The following NCKAP5 variants were observed in gnomAD, a reference collection of about 807,000 sequenced individuals.
NCKAP5 encodes nck-associated protein 5.
In NCKAP5, 92 loss-of-function variants were observed where a neutral mutation model predicts 167.0. That is an observed-to-expected ratio of 0.55 (90% CI 0.47 to 0.66). The LOEUF is 0.66. Among genes scored for constraint, NCKAP5 ranks in the 30% least tolerant of loss-of-function variants. The probability of loss-of-function intolerance (pLI) is 0.00; values close to 1 mark genes in which losing one functional copy is unlikely to be tolerated. For synonymous variants in NCKAP5, 891 were observed against 877.4 expected (o/e 1.02, Z -0.27); for missense variants, 2,378 against 2,315.0 (o/e 1.03, Z -0.56).
At chr2:132,929,154 T>C (rs1178899137) in intron 8 of NCKAP5, among the ~76,000 whole-genome samples, 1 of 152,116 alleles carries the variant, frequency 6.6e-6, no homozygotes, top group Non-Finnish European at 1.5e-5. Context: ...AAGCAAGCTC[T>C]CCCACAACAC....
intron 6 of NCKAP5, among the ~76,000 whole-genome samples, chr2:133,080,419 TA>T (rs1346355752): frequency 1.3e-5 from 2 of 152,158 alleles, no homozygotes; most frequent in African/African-American, 4.8e-5. Context: ...TCCTGTGCTT[TA>T]TTTAAATTGG....
chr2:132,729,748 T>A (rs1026939738), intron 17 of NCKAP5, among the ~76,000 whole-genome samples: 23 of 152,188 alleles, frequency 1.5e-4, no homozygotes, highest in African/African-American at 5.5e-4. Context: ...CATGCCAGAA[T>A]GGAGAATTGC....
chr2:132,744,493 C>T (rs1284457049), intron 16 of NCKAP5, among the ~76,000 whole-genome samples: 1 of 151,360 alleles, frequency 6.6e-6, no homozygotes, highest in East Asian at 1.9e-4. Context: ...CTAAACAGTG[C>T]CTTAACAAAA....
intron 3 of NCKAP5, among the ~76,000 whole-genome samples, chr2:133,393,407 A>T (rs1027073506): frequency 1.3e-5 from 2 of 152,264 alleles, no homozygotes; most frequent in Non-Finnish European, 2.9e-5. Flanking sequence ...CCTGCCTGGT[A>T]GCCATCACTA....
intron 7 of NCKAP5, among the ~76,000 whole-genome samples, chr2:132,983,578 C>T (rs2077201772): frequency 6.6e-6 from 1 of 152,174 alleles, no homozygotes; most frequent in Non-Finnish European, 1.5e-5. Flanking sequence ...AAAAAATGGT[C>T]TACAATTTCC....
chr2:133,588,641 C>A, the NCKAP5 span, among the ~76,000 whole-genome samples: 1 of 152,102 alleles, frequency 6.6e-6, no homozygotes, highest in Admixed American at 6.5e-5. Flanking sequence ...AAGGAGCACA[C>A]ATTTTAGAAG....
chr2:133,408,510 G>A (rs917611383), intron 3 of NCKAP5, among the ~76,000 whole-genome samples: 10 of 151,984 alleles, frequency 6.6e-5, no homozygotes, highest in Admixed American at 1.3e-4. Flanking sequence ...AAAGCAATCC[G>A]CAAATATTTA....
intron 2 of NCKAP5, among the ~76,000 whole-genome samples, chr2:133,546,862 G>A (rs1686730844): frequency 6.6e-6 from 1 of 152,186 alleles, no homozygotes; most frequent in South Asian, 2.1e-4. Flanking sequence ...AAAAGATTGA[G>A]AAAGGGGAGG....
intron 2 of NCKAP5, among the ~76,000 whole-genome samples, chr2:133,523,892 T>G (rs760011713): frequency 6.6e-6 from 1 of 152,184 alleles, no homozygotes; most frequent in Non-Finnish European, 1.5e-5. Flanking sequence ...TTCACCCTGG[T>G]TGTACCTTAG....
chr2:133,002,962 T>C (rs898195680), intron 6 of NCKAP5, among the ~76,000 whole-genome samples: 7 of 152,254 alleles, frequency 4.6e-5, no homozygotes, highest in African/African-American at 1.2e-4. Context: ...GAAGGGGCTA[T>C]GTCTTCACAT....
intron 6 of NCKAP5, among the ~76,000 whole-genome samples, chr2:133,035,325 G>C (rs2079007920): frequency 6.6e-6 from 1 of 151,872 alleles, no homozygotes; most frequent in Admixed American, 6.6e-5. Flanking sequence ...GAGATTGCAG[G>C]CCCCACTTTC....
intron 4 of NCKAP5, among the ~76,000 whole-genome samples, chr2:133,290,747 T>G (rs553089393): frequency 0.033 from 4,744 of 145,258 alleles, 305 homozygotes; most frequent in African/African-American, 0.12. Flanking sequence ...TTTTTTTTTT[T>G]TTGTTGTTGT....
rs1370365748 is a variant in NCKAP5, at chr2:133,298,644, A to C, written c.143+4393T>G. Reference sequence around the variant, plus strand: ...GCGTGTAAGATACACTTACTAACCAAATTAAACTCTAAATTTCTTTCATCA... The same window carrying C: ...GCGTGTAAGATACACTTACTAACCACATTAAACTCTAAATTTCTTTCATCA... On this transcript the variant is annotated intron_variant, in intron 4 of 19. Transcript: ENST00000409261. Among the ~76,000 whole-genome samples the C allele has an allele frequency of 2.0e-5, 3 of 152,312 alleles. No individual in the cohort carries two copies. In the East Asian group the frequency reaches 5.8e-4, roughly 29 times the overall value.
the NCKAP5 span, among the ~76,000 whole-genome samples, chr2:133,592,672 C>A: frequency 6.6e-6 from 1 of 152,176 alleles, no homozygotes; most frequent in African/African-American, 2.4e-5. Context: ...GATTAATATC[C>A]ATTTAATTTT....
intron 5 of NCKAP5, among the ~76,000 whole-genome samples, chr2:133,148,495 C>A (rs1039947306): frequency 6.6e-6 from 1 of 152,034 alleles, no homozygotes; most frequent in African/African-American, 2.4e-5. Context: ...TCAGAGTGAC[C>A]ATCTTACCCA....
intron 8 of NCKAP5, among the ~76,000 whole-genome samples, chr2:132,955,697 G>T (rs1162131113): frequency 6.6e-6 from 1 of 152,062 alleles, no homozygotes; most frequent in African/African-American, 2.4e-5. Context: ...TGGGTCAAAT[G>T]GTATTTCTGC....
intron 6 of NCKAP5, among the ~76,000 whole-genome samples, chr2:133,017,575 A>G (rs973509340): frequency 6.6e-6 from 1 of 152,178 alleles, no homozygotes; most frequent in African/African-American, 2.4e-5. Flanking sequence ...TTAGTAATGA[A>G]AAAACAATGG....
intron 6 of NCKAP5, among the ~76,000 whole-genome samples, chr2:132,999,588 A>C (rs1423680024): frequency 3.3e-5 from 5 of 152,230 alleles, no homozygotes; most frequent in Admixed American, 1.3e-4. Context: ...ATAATATCAA[A>C]GGCCTTCTTT....
chr2:133,090,849 C>T (rs1302717250), intron 6 of NCKAP5, among the ~76,000 whole-genome samples: 2 of 152,150 alleles, frequency 1.3e-5, no homozygotes, highest in Non-Finnish European at 2.9e-5. Context: ...ACTCAGCTTC[C>T]CTCCACTCCA....
Sources: allele counts gnomAD v4.1 joint callset (sites outside exome capture counted in the v4.1 genomes callset), GRCh38; gene constraint gnomAD v4.1.1; transcripts MANE v1.5; gene names NCBI Gene and HGNC (gene_info 2026-07-23, HGNC 2026-07-21).